Variants in SLC25A48 observed in about 807,000 individuals in gnomAD.
SLC25A48 encodes solute carrier family 25 member 48.
Under a neutral mutation model 32.2 loss-of-function variants are expected in SLC25A48, and 29 were observed. That is an observed-to-expected ratio of 0.90 (90% CI 0.67 to 1.23). SLC25A48 has a LOEUF of 1.23. Ranked by LOEUF, SLC25A48 falls within the 50% of genes most tolerant of loss-of-function variation. The pLI is 0.00. For synonymous variants in SLC25A48, 164 were observed against 172.3 expected, an observed-to-expected ratio of 0.95 and a Z score of 0.38; for missense variants, 399 against 422.7, an observed-to-expected ratio of 0.94 and a Z score of 0.49.
intron 3 of SLC25A48, among the ~76,000 whole-genome samples, chr5:135,700,132 C>G (rs929306753): frequency 6.6e-5 from 10 of 151,982 alleles, no homozygotes; most frequent in African/African-American, 1.9e-4. Flanking sequence ...CCTGTAATCC[C>G]AGCACTTTGG....
At chr5:135,755,259 G>T (rs60477366) in intron 3 of SLC25A48, among the ~76,000 whole-genome samples, 8,089 of 152,134 alleles carry the variant, frequency 0.053, 464 homozygotes, top group African/African-American at 0.15. Flanking sequence ...ATAATAGCCA[G>T]TGTTCACACA....
chr5:135,727,811 T>C (rs536130872), intron 3 of SLC25A48, among the ~76,000 whole-genome samples: 3 of 152,324 alleles, frequency 2.0e-5, no homozygotes, highest in African/African-American at 7.2e-5. Context: ...TAAAAGTAAG[T>C]CTTGAAATCA....
intron 3 of SLC25A48, among the ~76,000 whole-genome samples, chr5:135,707,925 T>C (rs115972062): frequency 0.014 from 2,061 of 152,234 alleles, 45 homozygotes; most frequent in African/African-American, 0.046. Flanking sequence ...TACATATTTA[T>C]GAGTTGAGGG....
At chr5:135,777,790 G>C (rs929621040) in intron 3 of SLC25A48, among the ~76,000 whole-genome samples, 106 of 151,348 alleles carry the variant, frequency 7.0e-4, no homozygotes, top group Non-Finnish European at 7.4e-4. Flanking sequence ...TATCCGGGGG[G>C]GGGGGGAATG....
At chr5:135,607,819 A>C (rs1194736800) in intron 1 of SLC25A48, among the ~76,000 whole-genome samples, 3 of 152,184 alleles carry the variant, frequency 2.0e-5, no homozygotes, top group Middle Eastern at 3.2e-3. Flanking sequence ...AGGACTCACC[A>C]ACAGTTGAAG....
At chr5:135,702,779 A>G (rs967575913) in intron 3 of SLC25A48, among the ~76,000 whole-genome samples, 1 of 152,146 alleles carries the variant, frequency 6.6e-6, no homozygotes, top group Non-Finnish European at 1.5e-5. Flanking sequence ...TTCCCAAACA[A>G]ATTTGACCTT....
At chr5:135,709,873 T>G (rs1054643859) in intron 3 of SLC25A48, among the ~76,000 whole-genome samples, 1 of 152,214 alleles carries the variant, frequency 6.6e-6, no homozygotes, top group Admixed American at 6.5e-5. Flanking sequence ...ATTCCTCAAC[T>G]GCACATCTGT....
At chr5:135,708,482 A>G (rs1754573304) in intron 3 of SLC25A48, among the ~76,000 whole-genome samples, 1 of 152,192 alleles carries the variant, frequency 6.6e-6, no homozygotes, top group Non-Finnish European at 1.5e-5. Flanking sequence ...GACCTGCTAA[A>G]TATATTCCCA....
intron 3 of SLC25A48, among the ~76,000 whole-genome samples, chr5:135,704,229 G>A (rs1222851906): frequency 1.3e-5 from 2 of 152,190 alleles, no homozygotes; most frequent in African/African-American, 4.8e-5. Context: ...TTCCCTGAAT[G>A]TGCATACTGG....
At chr5:135,775,643 A>G (rs1263791153) in intron 3 of SLC25A48, among the ~76,000 whole-genome samples, 1 of 151,642 alleles carries the variant, frequency 6.6e-6, no homozygotes, top group East Asian at 1.9e-4. Flanking sequence ...ATTGCTTCTT[A>G]TATCCAGAAG....
intron 3 of SLC25A48, among the ~76,000 whole-genome samples, chr5:135,723,051 A>T (rs1188582370): frequency 6.6e-6 from 1 of 152,190 alleles, no homozygotes; most frequent in African/African-American, 2.4e-5. Flanking sequence ...AGAGGCCCGC[A>T]TGGCTAGGTA....
In SLC25A48 at chr5:135,723,378, T is replaced by TCACACACACACACACACA. The variant is rs1444066866; in HGVS notation, c.-521+88423_-521+88424insACACACACACACACACAC. On this transcript the variant is annotated intron_variant, in intron 3 of 10. Coordinates refer to the SLC25A48 transcript ENST00000646290. ...CTGTCTCTCACTCTCTCTCTCTCTC[T>TCACACACACACACACACA]CTCACACACACACACACACACACAC... Among the ~76,000 whole-genome samples the TCACACACACACACACACA allele has an allele frequency of 1.8e-3, 100 of 54,488 alleles. 1 individual carries two copies. The highest frequency in any genetic ancestry group is 9.0e-3 in the South Asian group (10 of 1,106). 35.7% of individuals were successfully genotyped at this position (54,488 alleles called of 152,430 possible). A position where few individuals can be genotyped will look rare whatever the true frequency, so the allele number is the denominator to read the frequency against.
rs1286857758 is a variant in SLC25A48, at chr5:135,633,486, C to T, written c.-708-1283C>T. Among the ~76,000 whole-genome samples, 3 of 151,818 alleles carry T rather than the reference C, an allele frequency of 2.0e-5. No individual in the cohort carries two copies. The East Asian group carries it at 5.8e-4, about 29-fold the overall frequency. On this transcript the variant is annotated intron_variant, in intron 2 of 10. Coordinates refer to the SLC25A48 transcript ENST00000646290. ...TCTCAGTGCACATGCCAGGAAAGGC[C>T]ATGTGAGCGCACAGCAAGAAGGCAG... is the stretch of plus-strand genomic sequence containing the variant.
intron 2 of SLC25A48, among the ~76,000 whole-genome samples, chr5:135,844,035 A>G (rs998466502): frequency 2.0e-5 from 3 of 152,140 alleles, no homozygotes; most frequent in African/African-American, 7.2e-5. Context: ...GGCACTCCCC[A>G]GGGCTGTCCA....
intron 3 of SLC25A48, among the ~76,000 whole-genome samples, chr5:135,792,653 T>C (rs2126634461): frequency 6.6e-6 from 1 of 151,942 alleles, no homozygotes; most frequent in South Asian, 2.1e-4. Context: ...CCCCGGGAGA[T>C]ATTCCTCTGC....
chr5:135,802,407 C>T (rs900045371), intron 3 of SLC25A48, among the ~76,000 whole-genome samples: 3 of 151,312 alleles, frequency 2.0e-5, no homozygotes, highest in Admixed American at 1.3e-4. Context: ...ACACCATGTG[C>T]ATATACCTTG....
At chr5:135,677,967 T>C (rs757041200) in intron 3 of SLC25A48, among the ~76,000 whole-genome samples, 9 of 152,244 alleles carry the variant, frequency 5.9e-5, no homozygotes, top group Admixed American at 3.3e-4. Flanking sequence ...TCATTGACTT[T>C]AGACAATTTG....
chr5:135,871,879 C>A (rs1761684650), intron 5 of SLC25A48, 161 bp downstream of exon 5: 1 of 1,505,868 alleles, frequency 6.6e-7, no homozygotes. Context: ...CCGGCCCTCT[C>A]CCACCTCAGT....
intron 3 of SLC25A48, among the ~76,000 whole-genome samples, chr5:135,788,359 C>T (rs1470167079): frequency 7.8e-6 from 1 of 128,884 alleles, no homozygotes; most frequent in Non-Finnish European, 1.7e-5. Context: ...GGGGGGTGTA[C>T]ACCCCCCCGC....
Sources: gnomAD v4.1 joint callset for allele counts (sites outside exome capture counted in the v4.1 genomes callset) on GRCh38, gnomAD v4.1.1 for gene constraint, MANE v1.5 for transcripts, NCBI Gene and HGNC (gene_info 2026-07-23, HGNC 2026-07-21) for gene names.